ACTR3C: variants seen among roughly 807,000 people sequenced by gnomAD.
ACTR3C encodes the protein actin-related protein 3C.
A neutral mutation model predicts 26.3 loss-of-function variants in ACTR3C; 18 were observed. That is an observed-to-expected ratio of 0.68 (90% CI 0.47 to 1.01). ACTR3C has a LOEUF of 1.01. Among genes scored for constraint, ACTR3C ranks in the 50% least tolerant of loss-of-function variants. ACTR3C has a pLI of 0.00. For synonymous variants in ACTR3C, 55 were observed against 94.5 expected (o/e 0.58, Z 2.42); for missense variants, 184 against 250.7 (o/e 0.73, Z 1.80).
chr7:150,223,408 C>T, the ACTR3C span, among the ~76,000 whole-genome samples: 10 of 152,152 alleles, frequency 6.6e-5, no homozygotes, highest in East Asian at 1.9e-3. Context: ...TTTGTGAACT[C>T]ACACTTTCAT....
chr7:149,913,313 T>C, the ACTR3C span, among the ~76,000 whole-genome samples: 38,762 of 152,050 alleles, frequency 0.25, 5,710 homozygotes, highest in South Asian at 0.4. Context: ...AAAAGAAACG[T>C]TCCCTATTTC....
At chr7:150,128,923 A>G in the ACTR3C span, among the ~76,000 whole-genome samples, 2 of 151,258 alleles carry the variant, frequency 1.3e-5, no homozygotes, top group Non-Finnish European at 2.9e-5. Flanking sequence ...ACAGCCTAAG[A>G]AAGGAGATTG....
At chr7:150,116,702 AT>A in the ACTR3C span, among the ~76,000 whole-genome samples, 1 of 152,002 alleles carries the variant, frequency 6.6e-6, no homozygotes, top group Admixed American at 6.5e-5. Flanking sequence ...CTTGCCCAAA[AT>A]TTCACTTGTG....
At chr7:149,931,343 G>A in the ACTR3C span, among the ~76,000 whole-genome samples, 2 of 152,128 alleles carry the variant, frequency 1.3e-5, no homozygotes, top group Non-Finnish European at 2.9e-5. Context: ...CGTCTTTGTC[G>A]GTTTCATCCT....
At chr7:149,899,700 A>G in the ACTR3C span, among the ~76,000 whole-genome samples, 2 of 151,958 alleles carry the variant, frequency 1.3e-5, no homozygotes, top group Non-Finnish European at 1.5e-5. Flanking sequence ...GAAAAGAGAA[A>G]GAAGGCAGGA....
the ACTR3C span, among the ~76,000 whole-genome samples, chr7:149,919,753 T>G: frequency 6.6e-6 from 1 of 152,232 alleles, no homozygotes; most frequent in Non-Finnish European, 1.5e-5. Flanking sequence ...ATCTATTTTA[T>G]TTGGTTGCTT....
chr7:149,988,431 C>T, the ACTR3C span, among the ~76,000 whole-genome samples: 1 of 152,192 alleles, frequency 6.6e-6, no homozygotes, highest in Non-Finnish European at 1.5e-5. Flanking sequence ...CACATTTCTC[C>T]CCTTGCAACC....
intron 6 of ACTR3C, among the ~76,000 whole-genome samples, chr7:150,266,538 C>T (rs1386754508): frequency 6.6e-6 from 1 of 151,816 alleles, no homozygotes; most frequent in Non-Finnish European, 1.5e-5. Context: ...TCTTAGCTAG[C>T]ACATAAAAAA....
the ACTR3C span, chr7:149,892,487 A>G: frequency 3.5e-5 from 45 of 1,274,478 alleles, no homozygotes; most frequent in Non-Finnish European, 4.5e-5. Context: ...TATACACACA[A>G]GTAAATTTTC....
the ACTR3C span, among the ~76,000 whole-genome samples, chr7:150,159,882 G>A: frequency 1.3e-5 from 2 of 151,994 alleles, no homozygotes; most frequent in Admixed American, 6.5e-5. Flanking sequence ...TCGGCTCACC[G>A]CAACCTCCAC....
chr7:150,281,582 C>T (rs1291878104), intron 6 of ACTR3C, among the ~76,000 whole-genome samples: 5 of 151,250 alleles, frequency 3.3e-5, no homozygotes, highest in Admixed American at 6.6e-5. Context: ...GTGACTCTAC[C>T]CTGGGCTGTG....
At chr7:149,886,552 T>C in the ACTR3C span, among the ~76,000 whole-genome samples, 1 of 152,110 alleles carries the variant, frequency 6.6e-6, no homozygotes, top group Non-Finnish European at 1.5e-5. Flanking sequence ...AAGATAAAGA[T>C]ACCATTTGCA....
the ACTR3C span, chr7:150,076,574 A>G: frequency 1.3e-5 from 2 of 152,116 alleles, no homozygotes; most frequent in Non-Finnish European, 2.9e-5. Flanking sequence ...TGAGAAGGAA[A>G]TTATGCAGCC....
At chr7:150,201,003 T>G in the ACTR3C span, among the ~76,000 whole-genome samples, 10 of 152,364 alleles carry the variant, frequency 6.6e-5, no homozygotes, top group Non-Finnish European at 8.8e-5. Context: ...AACTCTATCT[T>G]CATATTGTCT....
At chr7:149,927,209 G>A in the ACTR3C span, among the ~76,000 whole-genome samples, 1 of 151,974 alleles carries the variant, frequency 6.6e-6, no homozygotes, top group Non-Finnish European at 1.5e-5. Flanking sequence ...GAACAAAAAT[G>A]GGGACCATGA....
the ACTR3C span, among the ~76,000 whole-genome samples, chr7:150,085,291 C>T: frequency 6.6e-6 from 1 of 152,140 alleles, no homozygotes; most frequent in Non-Finnish European, 1.5e-5. Context: ...CATTGAGAAG[C>T]TCATCCAGGA....
the ACTR3C span, among the ~76,000 whole-genome samples, chr7:150,141,715 G>A: frequency 6.6e-6 from 1 of 152,068 alleles, no homozygotes; most frequent in Non-Finnish European, 1.5e-5. Context: ...GTGAAGTGAT[G>A]TATCCCCTCA....
the ACTR3C span, among the ~76,000 whole-genome samples, chr7:150,178,280 CTTTTTT>C: frequency 8.0e-6 from 1 of 125,086 alleles, no homozygotes; most frequent in Admixed American, 7.9e-5. Context: ...AACAGGAATA[CTTTTTT>C]TTTTTTTTTT....
chr7:150,221,181 A>G, the ACTR3C span, among the ~76,000 whole-genome samples: 2 of 152,252 alleles, frequency 1.3e-5, no homozygotes, highest in South Asian at 2.1e-4. Context: ...TGGCGGCCCA[A>G]TTGGCTTGAC....
Sources: allele counts gnomAD v4.1 joint callset (sites outside exome capture counted in the v4.1 genomes callset), GRCh38; gene constraint gnomAD v4.1.1; transcripts MANE v1.5; gene names NCBI Gene and HGNC (gene_info 2026-07-23, HGNC 2026-07-21).